Variants in NXPE4 observed in about 807,000 individuals in gnomAD.
NXPE4 encodes the protein NXPE family member 4.
NXPE4 carries 42 observed loss-of-function variants against 33.3 expected under a neutral mutation model. That is an observed-to-expected ratio of 1.26 (90% CI 0.98 to 1.63). The LOEUF (loss-of-function observed/expected upper bound fraction) is 1.63. NXPE4 is among the 40% of genes most tolerant of loss of function. The probability of loss-of-function intolerance (pLI) is 0.00; values close to 1 mark genes in which losing one functional copy is unlikely to be tolerated. For missense variants in NXPE4, 709 were observed against 647.6 expected (o/e 1.09, Z -1.03); for synonymous variants, 253 against 234.9 (o/e 1.08, Z -0.71).
intron 2 of NXPE4, among the ~76,000 whole-genome samples, chr11:114,588,821 C>G (rs1039409576): frequency 6.6e-6 from 1 of 152,134 alleles, no homozygotes; most frequent in East Asian, 1.9e-4. Flanking sequence ...ACCTTCTTGT[C>G]CCCTGATTCA....
At chr11:114,645,226 G>C in the NXPE4 span, among the ~76,000 whole-genome samples, 1 of 152,110 alleles carries the variant, frequency 6.6e-6, no homozygotes. Context: ...ACTTGAACCC[G>C]AGAGGCAGAA....
chr11:114,645,832 A>C, the NXPE4 span, among the ~76,000 whole-genome samples: 2 of 152,202 alleles, frequency 1.3e-5, no homozygotes, highest in Admixed American at 6.5e-5. Context: ...CATGTTCATT[A>C]GATAGGCCAA....
At chr11:114,656,427 T>C in the NXPE4 span, among the ~76,000 whole-genome samples, 1 of 152,132 alleles carries the variant, frequency 6.6e-6, no homozygotes, top group African/African-American at 2.4e-5. Context: ...TAGAAAAAAC[T>C]ATTTTGAATT....
the NXPE4 span, among the ~76,000 whole-genome samples, chr11:114,616,116 C>T: frequency 6.6e-6 from 1 of 151,562 alleles, no homozygotes; most frequent in East Asian, 1.9e-4. Context: ...CATGGGTAAC[C>T]ACTGTTATCC....
the NXPE4 span, among the ~76,000 whole-genome samples, chr11:114,636,254 G>A: frequency 6.6e-6 from 1 of 152,046 alleles, no homozygotes; most frequent in Non-Finnish European, 1.5e-5. Context: ...TTTGCGTAGA[G>A]GTGTTTGTAG....
the NXPE4 span, among the ~76,000 whole-genome samples, chr11:114,601,882 AATTAT>A: frequency 7.8e-4 from 1 of 1,278 alleles, no homozygotes; most frequent in Non-Finnish European, 1.3e-3. Flanking sequence ...TATTATATAT[AATTAT>A]ATATTATATT....
At chr11:114,620,025 A>G in the NXPE4 span, among the ~76,000 whole-genome samples, 4 of 141,900 alleles carry the variant, frequency 2.8e-5, no homozygotes, top group South Asian at 2.3e-4. Flanking sequence ...TTGTTACCCA[A>G]TGGATACTCA....
chr11:114,648,233 C>T, the NXPE4 span, among the ~76,000 whole-genome samples: 1 of 151,950 alleles, frequency 6.6e-6, no homozygotes, highest in East Asian at 1.9e-4. Flanking sequence ...AAGATGGGGG[C>T]TACTCACCAG....
At chr11:114,656,381 T>C in the NXPE4 span, among the ~76,000 whole-genome samples, 4 of 152,186 alleles carry the variant, frequency 2.6e-5, no homozygotes, top group Admixed American at 2.0e-4. Context: ...TTCAGTGCTA[T>C]TCCCATCAAA....
At chr11:114,614,107 C>T in the NXPE4 span, among the ~76,000 whole-genome samples, 1 of 151,842 alleles carries the variant, frequency 6.6e-6, no homozygotes, top group Admixed American at 6.6e-5. Flanking sequence ...TAAGTGTTGC[C>T]TCGTGGGTAA....
At chr11:114,652,634 A>C in the NXPE4 span, among the ~76,000 whole-genome samples, 1 of 152,228 alleles carries the variant, frequency 6.6e-6, no homozygotes, top group Non-Finnish European at 1.5e-5. Flanking sequence ...GGAGGTAATA[A>C]AGTCTTGAAA....
At chr11:114,590,100 A>T (rs1718987221) in intron 2 of NXPE4, among the ~76,000 whole-genome samples, 1 of 152,208 alleles carries the variant, frequency 6.6e-6, no homozygotes, top group African/African-American at 2.4e-5. Context: ...GGATTTTGAG[A>T]TAATCCCTCA....
the NXPE4 span, among the ~76,000 whole-genome samples, chr11:114,643,101 G>C: frequency 3.3e-5 from 5 of 152,150 alleles, no homozygotes; most frequent in East Asian, 9.6e-4. Context: ...ACATTTTGAT[G>C]GGGTTGTTTG....
At chr11:114,622,296 A>G in the NXPE4 span, among the ~76,000 whole-genome samples, 3 of 152,022 alleles carry the variant, frequency 2.0e-5, no homozygotes, top group East Asian at 3.9e-4. Flanking sequence ...CTGCTGGATA[A>G]TAATTGTTGC....
At chr11:114,631,370 G>C in the NXPE4 span, among the ~76,000 whole-genome samples, 1 of 151,718 alleles carries the variant, frequency 6.6e-6, no homozygotes, top group East Asian at 1.9e-4. Context: ...CATGTCCTTT[G>C]TAGGGACATG....
the NXPE4 span, among the ~76,000 whole-genome samples, chr11:114,650,378 C>A: frequency 1.3e-5 from 2 of 152,196 alleles, no homozygotes; most frequent in Admixed American, 1.3e-4. Flanking sequence ...ATGAGCTCTT[C>A]CCTATGATCC....
the NXPE4 span, among the ~76,000 whole-genome samples, chr11:114,620,385 G>T: frequency 6.6e-6 from 1 of 152,076 alleles, no homozygotes; most frequent in South Asian, 2.1e-4. Flanking sequence ...TGCCTCGTGG[G>T]TAACCACTGT....
chr11:114,583,069 T>A (rs1484505063), intron 2 of NXPE4, 48 bp from the exon 3 acceptor site: 2 of 1,547,618 alleles, frequency 1.3e-6, no homozygotes, highest in Non-Finnish European at 1.7e-6. Context: ...TTAGAGCATA[T>A]CTGAACTGAA....
At chr11:114,633,393 T>C in the NXPE4 span, among the ~76,000 whole-genome samples, 1 of 144,936 alleles carries the variant, frequency 6.9e-6, no homozygotes. Context: ...ATATTATATA[T>C]TATATATTAT....
Sources: gnomAD v4.1 joint callset for allele counts (sites outside exome capture counted in the v4.1 genomes callset) on GRCh38, gnomAD v4.1.1 for gene constraint, MANE v1.5 for transcripts, NCBI Gene and HGNC (gene_info 2026-07-23, HGNC 2026-07-21) for gene names.